ARHGAP42: variants seen among roughly 807,000 people sequenced by gnomAD.
ARHGAP42 encodes Rho GTPase activating protein 42, also known as rho GTPase-activating protein 42.
In ARHGAP42, 63 loss-of-function variants were observed where a neutral mutation model predicts 125.0. The observed-to-expected ratio is 0.50, with a 90% CI of 0.41 to 0.62. The LOEUF (loss-of-function observed/expected upper bound fraction) is 0.62. Ranked by LOEUF, ARHGAP42 falls within the 20% of genes least tolerant of loss-of-function variation. The pLI is 0.00. For synonymous variants in ARHGAP42, 339 were observed against 351.0 expected (o/e 0.97, Z 0.38); for missense variants, 766 against 1,024.2 (o/e 0.75, Z 3.44).
intron 1 of ARHGAP42, among the ~76,000 whole-genome samples, chr11:100,707,031 T>A (rs557448414): frequency 6.6e-6 from 1 of 152,346 alleles, no homozygotes; most frequent in Non-Finnish European, 1.5e-5. Context: ...AGTGCTGTGC[T>A]TACTTAGCAT....
In ARHGAP42 at chr11:100,833,148, A is replaced by G. The variant is rs79058726; in HGVS notation, c.313-26406A>G. ...TCTTGGCTCTTCTCTGAAATTCAGC[A>G]TTGAAAGTAAAGTTATTCTCCAGAA... On this transcript the variant is annotated intron_variant, in intron 3 of 23. Coordinates refer to ENST00000298815, the MANE Select transcript of ARHGAP42 (RefSeq NM_152432.4). 7.3e-3 allele frequency among the ~76,000 whole-genome samples: 1,112 copies of G among 152,322 alleles called. 5 individuals carry two copies. The highest frequency in any genetic ancestry group is 0.034 in the Middle Eastern group (10 of 294).
chr11:100,723,296 T>A (rs1861798092), intron 1 of ARHGAP42, among the ~76,000 whole-genome samples: 1 of 152,190 alleles, frequency 6.6e-6, no homozygotes, highest in Admixed American at 6.5e-5. Context: ...CAGAATCAGC[T>A]TTGTTGATAT....
intron 4 of ARHGAP42, among the ~76,000 whole-genome samples, chr11:100,906,185 T>C (rs144207739): frequency 3.8e-4 from 58 of 152,320 alleles, no homozygotes; most frequent in Admixed American, 7.2e-4. Context: ...TTCCTTGATT[T>C]ATTCCCTTAT....
chr11:100,739,475 T>C (rs1028436829), intron 1 of ARHGAP42, among the ~76,000 whole-genome samples: 4 of 152,220 alleles, frequency 2.6e-5, no homozygotes, highest in Non-Finnish European at 4.4e-5. Context: ...TTTTCCTTAA[T>C]TGAGTTTCAT....
At chr11:100,765,131 C>G (rs1862798974) in intron 1 of ARHGAP42, among the ~76,000 whole-genome samples, 1 of 152,124 alleles carries the variant, frequency 6.6e-6, no homozygotes, top group Non-Finnish European at 1.5e-5. Flanking sequence ...CAGACAATAA[C>G]CAGTACCTTA....
intron 8 of ARHGAP42, among the ~76,000 whole-genome samples, chr11:100,941,327 G>A (rs560235): frequency 0.88 from 134,238 of 152,168 alleles, 59,301 homozygotes; most frequent in East Asian, 1. Flanking sequence ...TTTTATCGGG[G>A]GTAAGATGGG....
At chr11:100,721,532 T>C (rs1861758614) in intron 1 of ARHGAP42, among the ~76,000 whole-genome samples, 1 of 151,702 alleles carries the variant, frequency 6.6e-6, no homozygotes, top group Admixed American at 6.6e-5. Flanking sequence ...GAGTGCAGTG[T>C]CGTGATCTTG....
Position 100,949,907 on chromosome 11 carries a change from TG to T in ARHGAP42, c.1123-9del, listed in dbSNP as rs1308678441. The T allele has an allele frequency of 6.8e-7, 1 of 1,464,810 alleles. No homozygotes were observed. The highest frequency in any genetic ancestry group is 9.3e-7 in the Non-Finnish European group (1 of 1,079,580). The allele number at this position is 1,464,810 out of a possible 1,614,324, so 90.7% of individuals were successfully genotyped here. On this transcript the variant is annotated splice_polypyrimidine_tract_variant and intron_variant, in intron 11 of 23. Transcript: ENST00000298815. ...CTGGAAGTAACTAATGGACATCCTT[TG>T]TTTTTTAGATTTATACTCTGCCTGC...
At chr11:100,752,884 T>A (rs1361474012) in intron 1 of ARHGAP42, among the ~76,000 whole-genome samples, 1 of 152,180 alleles carries the variant, frequency 6.6e-6, no homozygotes, top group Non-Finnish European at 1.5e-5. Flanking sequence ...TACCTGTGGA[T>A]GCTGTAATGG....
chr11:100,800,568 G>A (rs1349330462), intron 3 of ARHGAP42, among the ~76,000 whole-genome samples: 1 of 152,174 alleles, frequency 6.6e-6, no homozygotes, highest in Non-Finnish European at 1.5e-5. Flanking sequence ...TCAAGAATGT[G>A]TTAGAGTATC....
chr11:100,789,352 G>A (rs1863511081), intron 2 of ARHGAP42, among the ~76,000 whole-genome samples: 1 of 152,226 alleles, frequency 6.6e-6, no homozygotes, highest in Non-Finnish European at 1.5e-5. Flanking sequence ...ATATCTGAGG[G>A]TGTTATGCCA....
At chr11:100,887,302 C>G (rs1195759798) in intron 4 of ARHGAP42, among the ~76,000 whole-genome samples, 1 of 152,018 alleles carries the variant, frequency 6.6e-6, no homozygotes, top group Non-Finnish European at 1.5e-5. Flanking sequence ...ACTGTTCAGT[C>G]CGGGGTCAGT....
intron 8 of ARHGAP42, among the ~76,000 whole-genome samples, chr11:100,940,659 C>T (rs1463769038): frequency 6.6e-6 from 1 of 152,128 alleles, no homozygotes; most frequent in Non-Finnish European, 1.5e-5. Flanking sequence ...AAATTATTTT[C>T]ATTTTAAAGA....
chr11:100,949,159 GC>G (rs975000241), intron 11 of ARHGAP42, among the ~76,000 whole-genome samples: 1 of 151,880 alleles, frequency 6.6e-6, no homozygotes, highest in Non-Finnish European at 1.5e-5. Flanking sequence ...AATAAGAGTC[GC>G]CATCCTGTTA....
At chr11:100,870,528 A>G (rs1168101028) in intron 4 of ARHGAP42, among the ~76,000 whole-genome samples, 2 of 152,146 alleles carry the variant, frequency 1.3e-5, no homozygotes, top group East Asian at 3.9e-4. Context: ...ATTTTTACTT[A>G]TAGGTTCTTT....
intron 2 of ARHGAP42, among the ~76,000 whole-genome samples, chr11:100,771,440 G>C (rs1358059566): frequency 1.3e-5 from 2 of 152,088 alleles, no homozygotes; most frequent in African/African-American, 4.8e-5. Context: ...GGCTGGATTA[G>C]AGATATGTCA....
rs1170787108 is a variant in ARHGAP42, at chr11:100,806,837, G to GTTTGTTTGTTTA, written c.312+11674_312+11675insGTTTGTTTATTT. Among the ~76,000 whole-genome samples the GTTTGTTTGTTTA allele has an allele frequency of 8.3e-3, 1,236 of 149,434 alleles. 20 individuals carry two copies. The highest frequency in any genetic ancestry group is 0.029 in the African/African-American group (1,168 of 40,434). ...AAATTTTTTATTTGTTTGTTTGTTT[G>GTTTGTTTGTTTA]TTTATTTATTTATTTATTTATTTAT... is the stretch of plus-strand genomic sequence containing the variant. On this transcript the variant is annotated intron_variant, in intron 3 of 23. Transcript: ENST00000298815.
Position 100,795,149 on chromosome 11 carries a change from G to C in ARHGAP42, c.295G>C (p.Glu99Gln). 1 of 1,542,322 alleles carries C rather than the reference G, an allele frequency of 6.5e-7. No homozygotes were observed. The highest frequency in any genetic ancestry group is 8.8e-7 in the Non-Finnish European group (1 of 1,142,454). The part of the protein sequence containing the change: ...EFARLLIAVE[E>Q]ERRRLIQNAN... ...TGCAAGACTACTCATTGCAGTAGAA[G>C]AAGAAAGGCGAAGACTGGTAAGTCT... The change falls in exon 3 of 24, where the codon GAA becomes CAA. Residue 99 changes from glutamate to glutamine, a missense_variant. This residue lies in a region of ARHGAP42 where 455 missense variants were observed against 636.5 expected (regional missense o/e 0.71). Transcript: ENST00000298815.
intron 3 of ARHGAP42, among the ~76,000 whole-genome samples, chr11:100,815,130 T>C (rs1023730867): frequency 1.3e-5 from 2 of 152,226 alleles, no homozygotes; most frequent in Non-Finnish European, 2.9e-5. Flanking sequence ...TTAAATTGTA[T>C]AACCTCTTTC....
Sources: gnomAD v4.1 joint callset for allele counts (sites outside exome capture counted in the v4.1 genomes callset) on GRCh38, gnomAD v4.1.1 for gene constraint, gnomAD v4.1.1 regional missense constraint, MANE v1.5 for transcripts, NCBI Gene and HGNC (gene_info 2026-07-23, HGNC 2026-07-21) for gene names.